Variants in B3GAT2 observed in about 807,000 individuals in gnomAD.
B3GAT2 encodes the protein galactosylgalactosylxylosylprotein 3-beta-glucuronosyltransferase 2.
Under a neutral mutation model 27.8 loss-of-function variants are expected in B3GAT2, and 26 were observed. That is an observed-to-expected ratio of 0.93 (90% CI 0.68 to 1.30). The LOEUF (loss-of-function observed/expected upper bound fraction) is 1.30, where lower values mean the gene tolerates loss of function less well. Ranked by LOEUF, B3GAT2 falls within the 50% of genes most tolerant of loss-of-function variation. B3GAT2 has a pLI of 0.00. For synonymous variants in B3GAT2, 218 were observed against 195.1 expected (o/e 1.12, Z -0.98); for missense variants, 458 against 459.0 (o/e 1.00, Z 0.02).
intron 1 of B3GAT2, among the ~76,000 whole-genome samples, chr6:70,947,279 T>C (rs1018018998): frequency 1.2e-4 from 18 of 151,710 alleles, no homozygotes; most frequent in African/African-American, 4.4e-4. Context: ...TTCAAAAAAT[T>C]AATGAATCCA....
At position 70,956,164 on chromosome 6, in the gene B3GAT2, T is replaced by C; in HGVS notation, c.266A>G (p.Tyr89Cys). The C allele has an allele frequency of 1.2e-6, 2 of 1,608,898 alleles. No individual in the cohort carries two copies. The highest frequency in any genetic ancestry group is 1.7e-6 in the Non-Finnish European group (2 of 1,177,382). The change falls in exon 1 of 4, where the codon TAC (tyrosine) becomes TGC (cysteine). Residue 89 changes from tyrosine (Y) to cysteine (C), a missense_variant. Coordinates refer to ENST00000230053, the MANE Select transcript of B3GAT2 (RefSeq NM_080742.3). ...LPTIYAITPTYSRPVQKAELT... is the reference protein window; with the variant it reads ...LPTIYAITPTCSRPVQKAELT... ...CTCCGCTTTCTGCACCGGGCGGCTG[T>C]AGGTGGGCGTGATGGCATAGATGGT...
intron 2 of B3GAT2, among the ~76,000 whole-genome samples, chr6:70,870,643 C>G (rs960949059): frequency 1.3e-5 from 2 of 151,732 alleles, no homozygotes; most frequent in Non-Finnish European, 2.9e-5. Context: ...AACAAACAAA[C>G]AAACAAACAA....
chr6:70,859,934 G>A lies in B3GAT2; in HGVS notation c.*1729C>T, dbSNP rs144059956. On this transcript the variant is annotated 3_prime_UTR_variant, in exon 4 of 4. Transcript: ENST00000230053. Reference sequence around the variant, plus strand: ...GTAGGTGAAAGTTAGTTAGAGTAGCGGACTCATTAAAATCCCAAGATTGCT... The same window carrying A: ...GTAGGTGAAAGTTAGTTAGAGTAGCAGACTCATTAAAATCCCAAGATTGCT... 1.3e-4 allele frequency: 41 copies of A among 321,194 alleles called. No homozygotes were observed. The highest frequency in any genetic ancestry group is 5.8e-4 in the African/African-American group (27 of 46,622). 19.9% of individuals were successfully genotyped at this position (321,194 alleles called of 1,614,324 possible).
At chr6:70,886,695 T>G (rs977989022) in intron 2 of B3GAT2, among the ~76,000 whole-genome samples, 10 of 152,128 alleles carry the variant, frequency 6.6e-5, no homozygotes, top group African/African-American at 2.2e-4. Flanking sequence ...CATGTGCTCC[T>G]TGCCCCACAC....
intron 1 of B3GAT2, among the ~76,000 whole-genome samples, chr6:70,955,538 A>C (rs956304362): frequency 6.6e-6 from 1 of 151,908 alleles, no homozygotes; most frequent in Non-Finnish European, 1.5e-5. Context: ...CCTGGAAATC[A>C]TTCCCGCGCC....
intron 1 of B3GAT2, among the ~76,000 whole-genome samples, chr6:70,898,963 A>AAAATAAATAAAT (rs138877861): frequency 2.5e-4 from 37 of 149,632 alleles, no homozygotes; most frequent in African/African-American, 3.0e-4. Context: ...ACCCTGGCTC[A>AAAATAAATAAAT]AAATAAATAA....
intron 2 of B3GAT2, among the ~76,000 whole-genome samples, chr6:70,880,097 G>A (rs1160740622): frequency 3.4e-5 from 5 of 146,488 alleles, no homozygotes; most frequent in Non-Finnish European, 6.0e-5. Flanking sequence ...TGGGGGTGGG[G>A]GTGGAGGTGG....
chr6:70,858,134 G>T lies in B3GAT2; in HGVS notation c.*3529C>A, dbSNP rs370666289. On this transcript the variant is annotated 3_prime_UTR_variant, in exon 4 of 4. Coordinates refer to ENST00000230053, the MANE Select transcript of B3GAT2 (RefSeq NM_080742.3). Reference sequence around the variant, plus strand: ...TGTGATGCCACTTCCTCAGAACGTTGTTGGCCCCCAAGGAGGAATGGTGGG... The same window carrying T: ...TGTGATGCCACTTCCTCAGAACGTTTTTGGCCCCCAAGGAGGAATGGTGGG... 44 of 1,614,024 alleles carry T rather than the reference G, an allele frequency of 2.7e-5. No homozygotes were observed. Among genetic ancestry groups the T allele is most frequent in the South Asian group, 2.2e-4 (20 of 91,082 alleles).
intron 1 of B3GAT2, among the ~76,000 whole-genome samples, chr6:70,901,715 C>T (rs1484550857): frequency 6.6e-6 from 1 of 152,188 alleles, no homozygotes; most frequent in African/African-American, 2.4e-5. Flanking sequence ...ATGCCAATCA[C>T]CATTCATTAA....
intron 2 of B3GAT2, among the ~76,000 whole-genome samples, chr6:70,888,501 A>G (rs1056884115): frequency 3.3e-5 from 5 of 152,108 alleles, no homozygotes; most frequent in South Asian, 2.1e-4. Flanking sequence ...TAAGTCCCCA[A>G]TAGCTGTGGT....
At position 70,859,272 on chromosome 6, in the gene B3GAT2, C is replaced by A; in HGVS notation, c.*2391G>T. 3 of 1,273,258 alleles carry A rather than the reference C, an allele frequency of 2.4e-6. No homozygotes were observed. Among genetic ancestry groups the A allele is most frequent in the Admixed American group, 2.5e-5 (1 of 39,892 alleles). The allele number at this position is 1,273,258 out of a possible 1,614,324, so 78.9% of individuals were successfully genotyped here. On this transcript the variant is annotated 3_prime_UTR_variant, in exon 4 of 4. Transcript: ENST00000230053. ...GGTCAACATGCTGAAGCACACCCAG[C>A]TCAGGTTAAGGTGCTAGATGAACCA...
chr6:70,904,371 A>C (rs1486758198), intron 1 of B3GAT2, among the ~76,000 whole-genome samples: 1 of 152,180 alleles, frequency 6.6e-6, no homozygotes. Flanking sequence ...TCAAAATAAA[A>C]ACAAAATAAT....
At chr6:70,916,127 GTTGGATTCCTAGGTATTTTATTCTCT>G (rs1418791197) in intron 1 of B3GAT2, among the ~76,000 whole-genome samples, 8 of 152,130 alleles carry the variant, frequency 5.3e-5, no homozygotes, top group African/African-American at 1.9e-4. Context: ...TCCCTTGTAA[GTTGGATTCCTAGGTATTTTATTCTCT>G]TTGAGGCAGT....
chr6:70,920,210 G>A (rs1464984018), intron 1 of B3GAT2, among the ~76,000 whole-genome samples: 1 of 152,216 alleles, frequency 6.6e-6, no homozygotes, highest in Non-Finnish European at 1.5e-5. Flanking sequence ...AAGGCACCAT[G>A]AGCGTGGGAC....
intron 2 of B3GAT2, among the ~76,000 whole-genome samples, chr6:70,871,525 A>G (rs1325159776): frequency 1.3e-5 from 2 of 151,870 alleles, no homozygotes; most frequent in African/African-American, 4.8e-5. Flanking sequence ...TTGTTGCAAT[A>G]CAATTTTTTA....
intron 1 of B3GAT2, among the ~76,000 whole-genome samples, chr6:70,921,310 G>A (rs545543402): frequency 6.6e-6 from 1 of 152,166 alleles, no homozygotes; most frequent in Non-Finnish European, 1.5e-5. Context: ...ATTTTTGTCT[G>A]AGTTGATTTG....
chr6:70,907,035 C>T (rs931889731), intron 1 of B3GAT2, among the ~76,000 whole-genome samples: 3 of 152,182 alleles, frequency 2.0e-5, no homozygotes, highest in Admixed American at 6.5e-5. Context: ...GAAACCTCAG[C>T]GAGTCCAGGG....
In B3GAT2 at chr6:70,860,720, C is replaced by G. The variant is rs541283840; in HGVS notation, c.*943G>C. On this transcript the variant is annotated 3_prime_UTR_variant, in exon 4 of 4. Coordinates refer to ENST00000230053, the MANE Select transcript of B3GAT2 (RefSeq NM_080742.3). ...CCCACCCCAAAATTAGCCAGTAATC[C>G]TGTAGGAAGGTACTGTATGATCAAA... 1 of 403,168 alleles carries G rather than the reference C, an allele frequency of 2.5e-6. No individual in the cohort carries two copies. Among genetic ancestry groups the G allele is most frequent in the Non-Finnish European group, 4.4e-6 (1 of 228,464 alleles). 25.0% of individuals were successfully genotyped at this position (403,168 alleles called of 1,614,324 possible). A position where few individuals can be genotyped will look rare whatever the true frequency, so the allele number is the denominator to read the frequency against.
At chr6:70,929,493 C>A (rs1280358058) in intron 1 of B3GAT2, among the ~76,000 whole-genome samples, 1 of 152,200 alleles carries the variant, frequency 6.6e-6, no homozygotes. Context: ...TAAGCAACTT[C>A]AGCAAAGTCT....
Sources: allele counts gnomAD v4.1 joint callset (sites outside exome capture counted in the v4.1 genomes callset), GRCh38; gene constraint gnomAD v4.1.1; transcripts MANE v1.5; gene names NCBI Gene and HGNC (gene_info 2026-07-23, HGNC 2026-07-21).